Variants in CALCRL observed in about 807,000 individuals in gnomAD.
CALCRL encodes calcitonin receptor like receptor, also known as calcitonin gene-related peptide type 1 receptor.
CALCRL carries 27 observed loss-of-function variants against 60.4 expected under a neutral mutation model. The observed-to-expected ratio is 0.45, with a 90% confidence interval of 0.33 to 0.62. The LOEUF (loss-of-function observed/expected upper bound fraction) is 0.62. Among genes scored for constraint, CALCRL ranks in the 20% least tolerant of loss-of-function variants. The pLI is 0.03. For missense variants in CALCRL, 424 were observed against 540.7 expected (o/e 0.78, Z 2.14); for synonymous variants, 190 against 182.6 (o/e 1.04, Z -0.33).
At chr2:187,424,372 TC>T (rs1690028755) in intron 1 of CALCRL, among the ~76,000 whole-genome samples, 1 of 152,038 alleles carries the variant, frequency 6.6e-6, no homozygotes, top group African/African-American at 2.4e-5. Context: ...AGCAGGAACT[TC>T]CCATAAAATC....
Position 187,379,029 on chromosome 2 carries a change from A to T in CALCRL, c.411T>A (p.Thr137=). Reference sequence around the variant, plus strand: ...TGGTCAGGTAAAACAAATTTAGTGCAGTCTGTAATTTGTATAAACAAAAAA... The same window carrying T: ...TGGTCAGGTAAAACAAATTTAGTGCTGTCTGTAATTTGTATAAACAAAAAA... ...CNVNTHEKVK[T]ALNLFYLTII... The change falls in exon 8 of 15, where the codon ACT becomes ACA. Residue 137 remains threonine, a splice_region_variant and synonymous_variant. Coordinates refer to ENST00000392370, the MANE Select transcript of CALCRL (RefSeq NM_005795.6). 6.3e-7 allele frequency: 1 copy of T among 1,592,602 alleles called. No homozygotes were observed. The highest frequency in any genetic ancestry group is 1.7e-5 in the Admixed American group (1 of 59,866).
chr2:187,363,962 G>A (rs1332411580), intron 8 of CALCRL, among the ~76,000 whole-genome samples: 1 of 152,048 alleles, frequency 6.6e-6, no homozygotes, highest in Non-Finnish European at 1.5e-5. Context: ...TGTGTGTTTT[G>A]TTGTGATGGT....
At chr2:187,366,520 C>T (rs1025931658) in intron 8 of CALCRL, among the ~76,000 whole-genome samples, 6 of 151,684 alleles carry the variant, frequency 4.0e-5, no homozygotes, top group South Asian at 2.1e-4. Context: ...CACTATGTAC[C>T]CCATAAATAT....
intron 12 of CALCRL, among the ~76,000 whole-genome samples, chr2:187,354,572 A>G (rs992297747): frequency 6.6e-6 from 1 of 152,050 alleles, no homozygotes; most frequent in Non-Finnish European, 1.5e-5. Flanking sequence ...GGCTCTTCTG[A>G]GGAGCTTGGA....
At chr2:187,384,266 G>C (rs1324171295) in intron 4 of CALCRL, among the ~76,000 whole-genome samples, 2 of 152,116 alleles carry the variant, frequency 1.3e-5, no homozygotes, top group Admixed American at 1.3e-4. Context: ...TGCAGTGGTA[G>C]TGCTACACAA....
chr2:187,429,544 G>A (rs1004412441), intron 1 of CALCRL, among the ~76,000 whole-genome samples: 2 of 152,140 alleles, frequency 1.3e-5, no homozygotes, highest in Non-Finnish European at 2.9e-5. Context: ...TGTCTGTTCT[G>A]TACTCCTTTT....
chr2:187,347,927 G>A (rs1290754365), intron 14 of CALCRL, among the ~76,000 whole-genome samples: 3 of 151,668 alleles, frequency 2.0e-5, no homozygotes, highest in African/African-American at 7.3e-5. Context: ...TAATTAAAAT[G>A]AAATAACTTC....
At chr2:187,426,408 T>A (rs922407768) in intron 1 of CALCRL, among the ~76,000 whole-genome samples, 3 of 151,978 alleles carry the variant, frequency 2.0e-5, no homozygotes, top group African/African-American at 7.2e-5. Context: ...TGAATGTTTT[T>A]AAAAAGTTCT....
intron 1 of CALCRL, among the ~76,000 whole-genome samples, chr2:187,427,737 T>G (rs1289498642): frequency 1.3e-5 from 2 of 152,010 alleles, no homozygotes; most frequent in African/African-American, 4.8e-5. Flanking sequence ...TCTCCATGAA[T>G]CAAATTAGAA....
At position 187,346,171 on chromosome 2, in the gene CALCRL, C is replaced by T. The variant is rs772771162; in HGVS notation, c.*13G>A. ...GAGAAGCACAAAACAGTGAGACAAC[C>T]ATCCTTCTATTTTCAATTATATAAA... On this transcript the variant is annotated 3_prime_UTR_variant, in exon 15 of 15. Coordinates refer to ENST00000392370, the MANE Select transcript of CALCRL (RefSeq NM_005795.6). 1.3e-6 allele frequency: 2 copies of T among 1,521,330 alleles called. No individual in the cohort carries two copies. Among genetic ancestry groups the T allele is most frequent in the Admixed American group, 3.6e-5 (2 of 55,796 alleles). 94.2% of individuals were successfully genotyped at this position (1,521,330 alleles called of 1,614,324 possible).
chr2:187,411,271 A>G (rs1316195811), intron 1 of CALCRL, among the ~76,000 whole-genome samples: 3 of 152,172 alleles, frequency 2.0e-5, no homozygotes, highest in African/African-American at 7.2e-5. Flanking sequence ...TAATATCTCT[A>G]TATAACTATA....
At chr2:187,370,037 G>A (rs369118229) in intron 8 of CALCRL, among the ~76,000 whole-genome samples, 78 of 152,210 alleles carry the variant, frequency 5.1e-4, no homozygotes, top group East Asian at 1.9e-3. Flanking sequence ...TGATTCTGAA[G>A]TTCATACTCT....
chr2:187,379,125 A>T, intron 7 of CALCRL, 94 bp from the exon 8 acceptor site: 1 of 660,334 alleles, frequency 1.5e-6, no homozygotes, highest in Non-Finnish European at 2.7e-6. Flanking sequence ...AGTTGAATAA[A>T]CTATATTTTT....
At chr2:187,435,920 A>G (rs1259678703) in intron 1 of CALCRL, among the ~76,000 whole-genome samples, 1 of 150,032 alleles carries the variant, frequency 6.7e-6, no homozygotes. Context: ...CTGATGGTGA[A>G]AAGCGTCTAC....
chr2:187,365,812 TGCATGC>T (rs1413681180), intron 8 of CALCRL, among the ~76,000 whole-genome samples: 2 of 152,184 alleles, frequency 1.3e-5, no homozygotes, highest in African/African-American at 2.4e-5. Context: ...AAAGAAAGAC[TGCATGC>T]TCTCACTCAC....
At chr2:187,418,804 A>G (rs1689731842) in intron 1 of CALCRL, among the ~76,000 whole-genome samples, 1 of 143,976 alleles carries the variant, frequency 6.9e-6, no homozygotes, top group Non-Finnish European at 1.5e-5. Context: ...ATTCTAGAAA[A>G]TTTCACCTTC....
At chr2:187,432,722 A>C (rs1690454340) in intron 1 of CALCRL, among the ~76,000 whole-genome samples, 1 of 152,096 alleles carries the variant, frequency 6.6e-6, no homozygotes, top group Non-Finnish European at 1.5e-5. Flanking sequence ...GTATTTGTAC[A>C]TTGGCAAAAA....
At chr2:187,404,603 T>C (rs1427345588) in intron 1 of CALCRL, among the ~76,000 whole-genome samples, 2 of 151,496 alleles carry the variant, frequency 1.3e-5, no homozygotes, top group Admixed American at 1.3e-4. Flanking sequence ...TTTCTCAAAC[T>C]GCAGCTTGGC....
Position 187,345,964 on chromosome 2 carries a change from G to A in CALCRL, c.*220C>T. On this transcript the variant is annotated 3_prime_UTR_variant, in exon 15 of 15. Coordinates refer to ENST00000392370, the MANE Select transcript of CALCRL (RefSeq NM_005795.6). The stretch of plus-strand genomic sequence containing the variant: ...TTAGTAGCGTCACATCAGGCATAGT[G>A]GGAGTATTTACTGACAAACATTACA... 2 of 424,432 alleles carry A rather than the reference G, an allele frequency of 4.7e-6. No individual in the cohort carries two copies. Among genetic ancestry groups the A allele is most frequent in the Non-Finnish European group, 4.2e-6 (1 of 238,532 alleles). 26.3% of individuals were successfully genotyped at this position (424,432 alleles called of 1,614,324 possible).
Sources: gnomAD v4.1 joint callset for allele counts (sites outside exome capture counted in the v4.1 genomes callset) on GRCh38, gnomAD v4.1.1 for gene constraint, MANE v1.5 for transcripts, NCBI Gene and HGNC (gene_info 2026-07-23, HGNC 2026-07-21) for gene names.